MYO10: variants seen among roughly 807,000 people sequenced by gnomAD.
MYO10 encodes myosin X, also known as unconventional myosin-X.
Under a neutral mutation model 257.3 loss-of-function variants are expected in MYO10, and 133 were observed. The observed-to-expected ratio is 0.52, with a 90% CI of 0.45 to 0.60. The LOEUF is 0.60. Among genes scored for constraint, MYO10 ranks in the 20% least tolerant of loss-of-function variants. MYO10 has a pLI of 0.00. For missense variants in MYO10, 2,399 were observed against 2,635.7 expected (o/e 0.91, Z 1.97); for synonymous variants, 1,104 against 1,028.6 (o/e 1.07, Z -1.40).
At chr5:16,889,478 A>AGAAGGAAGGAAGGAAG (rs151266743) in intron 1 of MYO10, among the ~76,000 whole-genome samples, 183 of 131,988 alleles carry the variant, frequency 1.4e-3, no homozygotes, top group African/African-American at 3.0e-3. Flanking sequence ...AAGAAAAGAA[A>AGAAGGAAGGAAGGAAG]GAAGGAAGGA....
intron 40 of MYO10, among the ~76,000 whole-genome samples, chr5:16,667,721 G>A (rs890554714): frequency 2.7e-4 from 41 of 152,216 alleles, no homozygotes; most frequent in Middle Eastern, 3.4e-3. Flanking sequence ...CACTCACCAC[G>A]TTGACTTGCT....
intron 1 of MYO10, among the ~76,000 whole-genome samples, chr5:16,910,655 T>C (rs1745634862): frequency 6.6e-6 from 1 of 152,210 alleles, no homozygotes; most frequent in African/African-American, 2.4e-5. Flanking sequence ...GCATTTTTAA[T>C]GCATTCACCA....
intron 3 of MYO10, among the ~76,000 whole-genome samples, chr5:16,796,017 G>A (rs547406415): frequency 5.9e-4 from 89 of 151,646 alleles, no homozygotes; most frequent in African/African-American, 2.0e-3. Context: ...GTGAAACCCC[G>A]TCTCTACTAA....
intron 19 of MYO10, among the ~76,000 whole-genome samples, chr5:16,724,832 A>T (rs192369502): frequency 2.6e-5 from 4 of 152,024 alleles, no homozygotes; most frequent in Admixed American, 6.5e-5. Flanking sequence ...TGCCATAAAA[A>T]CCCCACAGCT....
At chr5:16,933,724 A>T (rs1455965867) in intron 1 of MYO10, among the ~76,000 whole-genome samples, 1 of 152,218 alleles carries the variant, frequency 6.6e-6, no homozygotes, top group African/African-American at 2.4e-5. Flanking sequence ...GGGAGCTGGG[A>T]TCTATGTTAA....
intron 4 of MYO10, among the ~76,000 whole-genome samples, chr5:16,786,577 A>G (rs926891013): frequency 5.9e-5 from 9 of 152,196 alleles, no homozygotes; most frequent in African/African-American, 2.2e-4. Flanking sequence ...ATGACATTCA[A>G]TAGAAATGTT....
At chr5:16,871,889 CT>C (rs1412252197) in intron 2 of MYO10, among the ~76,000 whole-genome samples, 1 of 152,184 alleles carries the variant, frequency 6.6e-6, no homozygotes, top group Admixed American at 6.5e-5. Context: ...GCTAATTATA[CT>C]TGTTATATTT....
intron 2 of MYO10, 114 bp downstream of exon 2, chr5:16,877,494 AG>A (rs2126762102): frequency 1.4e-6 from 1 of 726,482 alleles, no homozygotes. Context: ...ATTATCACTT[AG>A]GAAAAAAATG....
chr5:16,908,304 G>C (rs960549449), intron 1 of MYO10, among the ~76,000 whole-genome samples: 8 of 152,134 alleles, frequency 5.3e-5, no homozygotes, highest in African/African-American at 1.9e-4. Context: ...GAGGTGGATG[G>C]ATCACTTGAG....
At chr5:16,877,389 C>T (rs936480023) in intron 2 of MYO10, among the ~76,000 whole-genome samples, 8 of 152,338 alleles carry the variant, frequency 5.3e-5, no homozygotes, top group Non-Finnish European at 1.0e-4. Flanking sequence ...TGTCCCCACA[C>T]TAGTTGGAAT....
chr5:16,915,646 C>T (rs542264851), intron 1 of MYO10, among the ~76,000 whole-genome samples: 1 of 152,324 alleles, frequency 6.6e-6, no homozygotes, highest in South Asian at 2.1e-4. Context: ...AAGCAGTCAT[C>T]TCTGATGCAA....
intron 3 of MYO10, among the ~76,000 whole-genome samples, chr5:16,804,194 T>C (rs1348034217): frequency 6.6e-6 from 1 of 152,184 alleles, no homozygotes; most frequent in African/African-American, 2.4e-5. Context: ...CGTCTCCTTG[T>C]CCCGTGTGTT....
Position 16,845,487 on chromosome 5 carries a change from C to T in MYO10, c.121-27320G>A, listed in dbSNP as rs531034839. 3.8e-3 allele frequency among the ~76,000 whole-genome samples: 575 copies of T among 152,080 alleles called. 1 individual carries two copies. The highest frequency in any genetic ancestry group is 4.7e-3 in the Non-Finnish European group (321 of 68,002). ...TTCCGCACCAGCCTGGGCAACAAAG[C>T]GAGACTCACGCCTCTTAAAAAAATG... is the stretch of plus-strand genomic sequence containing the variant. On this transcript the variant is annotated intron_variant, in intron 2 of 40. Coordinates refer to ENST00000513610, the MANE Select transcript of MYO10 (RefSeq NM_012334.3).
intron 1 of MYO10, among the ~76,000 whole-genome samples, chr5:16,912,845 C>CACACACAT (rs1554008437): frequency 6.6e-5 from 10 of 150,648 alleles, no homozygotes; most frequent in African/African-American, 2.4e-4. Context: ...CACACACACA[C>CACACACAT]ACACCATGGT....
rs1746423963 is a variant in MYO10 at position 16,935,780 on chromosome 5, G to C, written c.21+8C>G. On this transcript the variant is annotated splice_region_variant and intron_variant, in intron 1 of 40. Transcript: ENST00000513610. ...CCGGAGGCCAGGTCGGACTGGGAGC[G>C]CACTTACCTCGGTGAAGAAGTTATC... 7 of 1,613,368 alleles carry C rather than the reference G, an allele frequency of 4.3e-6. No homozygotes were observed. Among genetic ancestry groups the C allele is most frequent in the Admixed American group, 1.7e-5 (1 of 59,994 alleles).
chr5:16,757,321 CA>C (rs1740564476), intron 18 of MYO10, among the ~76,000 whole-genome samples: 1 of 142,018 alleles, frequency 7.0e-6, no homozygotes, highest in Non-Finnish European at 1.5e-5. Flanking sequence ...CACACGCACA[CA>C]CACACACACA....
chr5:16,882,200 T>C (rs774919419), intron 1 of MYO10, among the ~76,000 whole-genome samples: 7 of 152,216 alleles, frequency 4.6e-5, no homozygotes, highest in Non-Finnish European at 7.3e-5. Context: ...TACCGTCCCT[T>C]TCTTCAAACG....
chr5:16,699,138 G>A (rs1331436103), intron 26 of MYO10, among the ~76,000 whole-genome samples: 1 of 152,130 alleles, frequency 6.6e-6, no homozygotes, highest in Non-Finnish European at 1.5e-5. Flanking sequence ...AGACAGGGGA[G>A]AAGGACTGAT....
chr5:16,673,106 C>T (rs747589718), intron 36 of MYO10, among the ~76,000 whole-genome samples: 3 of 151,888 alleles, frequency 2.0e-5, no homozygotes, highest in Admixed American at 6.6e-5. Flanking sequence ...CCTATATTAA[C>T]AGGAAAAGCG....
Sources: allele counts gnomAD v4.1 joint callset (sites outside exome capture counted in the v4.1 genomes callset), GRCh38; gene constraint gnomAD v4.1.1; transcripts MANE v1.5; gene names NCBI Gene and HGNC (gene_info 2026-07-23, HGNC 2026-07-21).